The following FLNA variants were observed in gnomAD, a reference collection of about 807,000 sequenced individuals.
FLNA encodes filamin-A.
A neutral mutation model predicts 157.6 loss-of-function variants in FLNA; 7 were observed. The ratio of observed to expected loss-of-function variants is 0.04; its 90% confidence interval spans 0.03 to 0.08. FLNA has a LOEUF of 0.08. FLNA is among the 10% of genes least tolerant of loss of function. The probability of loss-of-function intolerance (pLI) is 1.00; values close to 1 mark genes in which losing one functional copy is unlikely to be tolerated. For missense variants in FLNA, 1,750 were observed against 2,398.4 expected (o/e 0.73, Z 5.65); for synonymous variants, 1,103 against 1,060.8 (o/e 1.04, Z -0.77).
intron 1 of FLNA, among the ~76,000 whole-genome samples, chrX:154,372,402 T>A (rs782751905): frequency 2.9e-4 from 33 of 111,910 alleles, no homozygotes; most frequent in African/African-American, 9.7e-4. Context: ...ATAAGACTTG[T>A]CAGGCTCTGA....
Position 154,349,482 on chromosome X carries a change from G to T in FLNA, c.7636C>A (p.Gln2546Lys). Residue 2546 changes from glutamine to lysine, a missense_variant, in exon 47 of 48, where the codon CAG (glutamine) becomes AAG (lysine). Coordinates refer to ENST00000369850, the MANE Select transcript of FLNA (RefSeq NM_001110556.2). Reference sequence around the variant, plus strand: ...GGCCCAGGACCCGGGGCCCCATGCTGGGGGGCACAGGTGGCCTTGGTCAGA... The same window carrying T: ...GGCCCAGGACCCGGGGCCCCATGCTTGGGGGCACAGGTGGCCTTGGTCAGA... ...DSLTKATCAP[Q>K]HGAPGPGPAD... 1.7e-6 allele frequency: 2 copies of T among 1,211,906 alleles called. No individual in the cohort carries two copies. The highest frequency in any genetic ancestry group is 2.2e-6 in the Non-Finnish European group (2 of 895,266).
chrX:154,369,710 GC>G (rs1174517256), intron 2 of FLNA, among the ~76,000 whole-genome samples: 3 of 111,580 alleles, frequency 2.7e-5, no homozygotes, highest in Non-Finnish European at 5.7e-5. Flanking sequence ...ACATCCGGTC[GC>G]CCCCCCTACC....
chrX:154,370,327 T>TGGG (rs782289868), intron 2 of FLNA, among the ~76,000 whole-genome samples: 5 of 111,641 alleles, frequency 4.5e-5, no homozygotes, highest in African/African-American at 1.6e-4. Flanking sequence ...CCTGTGTGTG[T>TGGG]GTGGGGGGGT....
rs1557179394 is a variant in FLNA, at chrX:154,366,801, C to T, written c.918G>A (p.Val306=). ...NMVKKRAEFT[V]ETRSAGQGEV... ...CTCCCTGGCCAGCACTTCTGGTCTC[C>T]ACAGTGAACTCTGCCCGCTTCTTCA... The change falls in exon 6 of 48, where the codon GTG becomes GTA. Residue 306 remains valine (V), a synonymous_variant. Coordinates refer to ENST00000369850, the MANE Select transcript of FLNA (RefSeq NM_001110556.2). 1 of 1,211,923 alleles carries T rather than the reference C, an allele frequency of 8.3e-7. No homozygotes were observed. Among genetic ancestry groups the T allele is most frequent in the Admixed American group, 2.2e-5 (1 of 46,144 alleles).
In FLNA at chrX:154,358,287, T is replaced by A; in HGVS notation, c.4667A>T (p.Asn1556Ile). ...CAGGCTGGCAGGCACGCCAGTGGTG[T>A]TGAGCCCGGGGCCACTGGCCTTCAC... ...SKVKASGPGL[N>I]TTGVPASLPV... Residue 1556 changes from asparagine (N) to isoleucine (I), a missense_variant, in exon 28 of 48, where the codon AAC (asparagine) becomes ATC (isoleucine). By Grantham distance (149) the Asn-to-Ile change is moderately radical (BLOSUM62 -3). Coordinates refer to ENST00000369850, the MANE Select transcript of FLNA (RefSeq NM_001110556.2). The A allele has an allele frequency of 3.3e-6, 4 of 1,211,042 alleles. No homozygotes were observed. Among genetic ancestry groups the A allele is most frequent in the Non-Finnish European group, 4.5e-6 (4 of 895,311 alleles).
intron 2 of FLNA, among the ~76,000 whole-genome samples, chrX:154,368,312 G>GAC (rs1306676433): frequency 3.6e-5 from 4 of 111,589 alleles, no homozygotes; most frequent in African/African-American, 9.8e-5. Context: ...GATACACACA[G>GAC]ACACACACAC....
rs781821868 is a variant in FLNA at position 154,362,591 on chromosome X, G to A, written c.2405-13C>T. On this transcript the variant is annotated splice_polypyrimidine_tract_variant and intron_variant, in intron 16 of 47. Transcript: ENST00000369850. ...ATGCTGACGTCCCCTGCGGCGGGGAGAGGAGCGGAGGCTGAGACCTCGCAG... is the reference window on the plus strand; with the variant it reads ...ATGCTGACGTCCCCTGCGGCGGGGAAAGGAGCGGAGGCTGAGACCTCGCAG... The A allele has an allele frequency of 8.3e-7, 1 of 1,210,897 alleles. No homozygotes were observed. The highest frequency in any genetic ancestry group is 1.1e-6 in the Non-Finnish European group (1 of 895,234).
At position 154,359,524 on chromosome X, in the gene FLNA, C is replaced by G; in HGVS notation, c.4102G>C (p.Gly1368Arg). The change falls in exon 24 of 48, where the codon GGC becomes CGC. Residue 1368 changes from glycine (G) to arginine (R), a missense_variant. By Grantham distance (125) the Gly-to-Arg change is moderately radical. Around this residue, in one of 5 missense-constraint regions of FLNA, gnomAD observed 970 missense variants for 1,302.6 expected, o/e 0.74. Coordinates refer to ENST00000369850, the MANE Select transcript of FLNA (RefSeq NM_001110556.2). ...VRVHGPGIQS[G>R]TTNKPNKFTV... The stretch of plus-strand genomic sequence containing the variant: ...AACTTGTTGGGCTTGTTGGTGGTGC[C>G]ACTTTGGATGCCTGGCCCGTGGACA... The G allele has an allele frequency of 8.3e-7, 1 of 1,211,595 alleles. No homozygotes were observed.
chrX:154,363,765 A>G (rs969077241), intron 15 of FLNA, among the ~76,000 whole-genome samples: 1 of 112,183 alleles, frequency 8.9e-6, no homozygotes, highest in Non-Finnish European at 1.9e-5. Flanking sequence ...GTGCCAAGAC[A>G]TGCCAAACAT....
In FLNA at chrX:154,349,391, C is replaced by T; in HGVS notation, c.7727G>A (p.Ser2576Asn). Residue 2576 changes from serine to asparagine, a missense_variant, in exon 47 of 48, where the codon AGC becomes AAC. Around this residue, in one of 5 missense-constraint regions of FLNA, gnomAD observed 970 missense variants for 1,302.6 expected, o/e 0.74. Coordinates refer to ENST00000369850, the MANE Select transcript of FLNA (RefSeq NM_001110556.2). ...TTTGCTGCAGTCTACTGTGAAGCTG[C>T]TCTTCTGGCCTACGTAGGCCTTGCT... Reference protein sequence around the residue: ...GLSKAYVGQKSSFTVDCSKAG... With the variant: ...GLSKAYVGQKNSFTVDCSKAG... 1 of 1,211,952 alleles carries T rather than the reference C, an allele frequency of 8.3e-7. No individual in the cohort carries two copies. The highest frequency in any genetic ancestry group is 1.1e-6 in the Non-Finnish European group (1 of 895,527).
chrX:154,357,368 C>T lies in FLNA; in HGVS notation c.4945+66G>A, dbSNP rs1016850062. 15 of 1,197,123 alleles carry T rather than the reference C, an allele frequency of 1.3e-5. No homozygotes were observed. In the African/African-American group the frequency reaches 2.3e-4, roughly 18 times the overall value. ...CACACGCCGCCCCAAGCAGCGAGCCCTTGCACACAGGCACAACCCAAGCCC... is the reference window on the plus strand; with the variant it reads ...CACACGCCGCCCCAAGCAGCGAGCCTTTGCACACAGGCACAACCCAAGCCC... On this transcript the variant is annotated intron_variant, in intron 29 of 47. Coordinates refer to ENST00000369850, the MANE Select transcript of FLNA (RefSeq NM_001110556.2).
chrX:154,357,287 G>A lies in FLNA; in HGVS notation c.4946-13C>T. ...CCTCCGATTGACACTGAGGTGAGAG[G>A]GCAGAGAGCAAGGAGAAAGGTCAGG... On this transcript the variant is annotated splice_polypyrimidine_tract_variant and intron_variant, in intron 29 of 47. Transcript: ENST00000369850. The A allele has an allele frequency of 8.3e-7, 1 of 1,210,638 alleles. No homozygotes were observed. The highest frequency in any genetic ancestry group is 1.1e-6 in the Non-Finnish European group (1 of 894,657).
rs55760624 is a variant in FLNA, at chrX:154,348,761, G to A, written c.*88C>T. On this transcript the variant is annotated 3_prime_UTR_variant, in exon 48 of 48. Transcript: ENST00000369850. ...GCAGTGACAGGCGGGCGGCCAGGGCGGCCTGGGCCGGGGTTGAGGGGAAGA... is the reference window on the plus strand; with the variant it reads ...GCAGTGACAGGCGGGCGGCCAGGGCAGCCTGGGCCGGGGTTGAGGGGAAGA... The A allele has an allele frequency of 9.0e-3, 7,666 of 855,097 alleles. 35 individuals carry two copies. Among genetic ancestry groups the A allele is most frequent in the Non-Finnish European group, 0.011 (6,666 of 622,368 alleles). 70.5% of individuals were successfully genotyped at this position (855,097 alleles called of 1,213,427 possible).
intron 15 of FLNA, 139 bp from the exon 16 acceptor site, chrX:154,362,923 G>A (rs1163269741): frequency 8.8e-6 from 6 of 681,858 alleles, no homozygotes; most frequent in Non-Finnish European, 1.3e-5. Context: ...GACCACAGAG[G>A]GACTGTGTGA....
rs1557178198 is a variant in FLNA at position 154,362,308 on chromosome X, C to A, written c.2590G>T (p.Val864Phe). ...DQATPTSPIR[V>F]KVEPSHDASK... Reference sequence around the variant, plus strand: ...GCGTCATGAGAGGGCTCCACCTTGACTCGGATGGGGCTGGTGGGCGTGGCC... The same window carrying A: ...GCGTCATGAGAGGGCTCCACCTTGAATCGGATGGGGCTGGTGGGCGTGGCC... Residue 864 changes from valine to phenylalanine, a missense_variant, in exon 18 of 48, where the codon GTC becomes TTC. Val to Phe is a conservative substitution (Grantham distance 50). Coordinates refer to ENST00000369850, the MANE Select transcript of FLNA (RefSeq NM_001110556.2). 5.0e-6 allele frequency: 6 copies of A among 1,211,465 alleles called. No homozygotes were observed. In the Middle Eastern group the frequency reaches 9.2e-4, roughly 185 times the overall value.
rs979539410 is a variant in FLNA at position 154,362,245 on chromosome X, T to C, written c.2653A>G (p.Thr885Ala). 2 of 1,208,803 alleles carry C rather than the reference T, an allele frequency of 1.7e-6. No individual in the cohort carries two copies. Among genetic ancestry groups the C allele is most frequent in the South Asian group, 1.8e-5 (1 of 56,843 alleles). The change falls in exon 18 of 48, where the codon ACT becomes GCT. Residue 885 changes from threonine to alanine, a missense_variant. Around this residue, in one of 5 missense-constraint regions of FLNA, gnomAD observed 648 missense variants for 805.8 expected, o/e 0.80. Transcript: ENST00000369850. ...VKAEGPGLSRTGVELGKPTHF... is the reference protein window; with the variant it reads ...VKAEGPGLSRAGVELGKPTHF... ...GCCATGGGGTACCTGTCCTCACCAG[T>C]GCGACTGAGGCCAGGGCCCTCGGCC...
At chrX:154,369,920 T>C (rs2067792331) in intron 2 of FLNA, among the ~76,000 whole-genome samples, 1 of 112,304 alleles carries the variant, frequency 8.9e-6, no homozygotes, top group Non-Finnish European at 1.9e-5. Flanking sequence ...GCAGGGTAAC[T>C]GGAAGGCCTC....
intron 1 of FLNA, among the ~76,000 whole-genome samples, chrX:154,371,948 C>A (rs1557180434): frequency 8.8e-6 from 1 of 113,845 alleles, no homozygotes; most frequent in African/African-American, 3.2e-5. Context: ...GTGCTCATCA[C>A]CTGGGAAGCG....
rs1406591945 is a variant in FLNA at position 154,371,177 on chromosome X, C to T, written c.69G>A (p.Thr23=). ...CGGTGGCCGGCATCTCGGCGTCCCGCGTGTCGACGCCGCCGCCCGGAGCCG... is the reference window on the plus strand; with the variant it reads ...CGGTGGCCGGCATCTCGGCGTCCCGTGTGTCGACGCCGCCGCCCGGAGCCG... ...AGAAPGGGVD[T]RDAEMPATEK... The change falls in exon 2 of 48, where the codon ACG becomes ACA. Residue 23 remains threonine (T), a synonymous_variant. Coordinates refer to ENST00000369850, the MANE Select transcript of FLNA (RefSeq NM_001110556.2). The T allele has an allele frequency of 6.7e-6, 8 of 1,194,304 alleles. No individual in the cohort carries two copies. The Admixed American group carries it at 1.8e-4, about 27-fold the overall frequency.
Sources: allele counts gnomAD v4.1 joint callset (sites outside exome capture counted in the v4.1 genomes callset), GRCh38; gene constraint gnomAD v4.1.1; regional missense constraint gnomAD v4.1.1; transcripts MANE v1.5; gene names NCBI Gene and HGNC (gene_info 2026-07-23, HGNC 2026-07-21).